The following PCDHAC1 variants were observed in gnomAD, a reference collection of about 807,000 sequenced individuals.
PCDHAC1 encodes the protein protocadherin alpha subfamily C, 1, also known as protocadherin alpha-C1.
In PCDHAC1, 42 loss-of-function variants were observed where a neutral mutation model predicts 60.0. The observed-to-expected ratio is 0.70, with a 90% CI of 0.55 to 0.90. The LOEUF is 0.90. Ranked by LOEUF, PCDHAC1 falls within the 40% of genes least tolerant of loss-of-function variation. The probability of loss-of-function intolerance (pLI) is 0.00; values close to 1 mark genes in which losing one functional copy is unlikely to be tolerated. For missense variants in PCDHAC1, 1,160 were observed against 1,222.3 expected, an observed-to-expected ratio of 0.95 and a Z score of 0.76; for synonymous variants, 468 against 499.3, an observed-to-expected ratio of 0.94 and a Z score of 0.84.
At chr5:140,971,695 A>G (rs563817946) in intron 1 of PCDHAC1, among the ~76,000 whole-genome samples, 26 of 152,062 alleles carry the variant, frequency 1.7e-4, no homozygotes, top group Admixed American at 5.2e-4. Flanking sequence ...GTACTCACTA[A>G]CCACCCTGCT....
At position 140,927,627 on chromosome 5, in the gene PCDHAC1, T is replaced by A. The variant is rs145171269; in HGVS notation, c.735T>A (p.Thr245=). 5 of 1,614,062 alleles carry A rather than the reference T, an allele frequency of 3.1e-6. No homozygotes were observed. The highest frequency in any genetic ancestry group is 3.4e-6 in the Non-Finnish European group (4 of 1,180,014). Residue 245 remains threonine, a synonymous_variant, in exon 1 of 4, where the codon ACT becomes ACA. Coordinates refer to ENST00000253807, the MANE Select transcript of PCDHAC1 (RefSeq NM_018898.5). ...TATACCGCACCAAGGTTCCAGAGAC[T>A]GCACCCAATGGGACTGTGTTATTCC... ...RSVYRTKVPE[T]APNGTVLFRV...
intron 1 of PCDHAC1, among the ~76,000 whole-genome samples, chr5:140,962,590 C>T (rs2095694493): frequency 6.6e-6 from 1 of 152,144 alleles, no homozygotes; most frequent in African/African-American, 2.4e-5. Context: ...AAATATTTGA[C>T]TGATATATTT....
chr5:140,944,182 GTTTGT>G (rs750577669), intron 1 of PCDHAC1, among the ~76,000 whole-genome samples: 4 of 152,050 alleles, frequency 2.6e-5, no homozygotes, highest in African/African-American at 2.4e-5. Context: ...TTTTTTGTTG[GTTTGT>G]TTTGTTTTGT....
chr5:140,957,038 C>T (rs534661886), intron 1 of PCDHAC1, among the ~76,000 whole-genome samples: 1 of 152,048 alleles, frequency 6.6e-6, no homozygotes, highest in South Asian at 2.1e-4. Context: ...TTATGGGAGT[C>T]ATATAAAATA....
intron 3 of PCDHAC1, among the ~76,000 whole-genome samples, chr5:141,007,672 A>G (rs782403242): frequency 6.6e-6 from 1 of 152,194 alleles, no homozygotes; most frequent in African/African-American, 2.4e-5. Context: ...TACAAAGACA[A>G]AAGTTATCCT....
intron 1 of PCDHAC1, among the ~76,000 whole-genome samples, chr5:140,959,188 G>A (rs782018838): frequency 6.6e-6 from 1 of 151,982 alleles, no homozygotes; most frequent in Non-Finnish European, 1.5e-5. Context: ...ACCAGTCTGG[G>A]CAACATGGTG....
chr5:140,929,161 C>T lies in PCDHAC1; in HGVS notation c.2269C>T (p.Arg757Trp). The change falls in exon 1 of 4, where the codon CGG becomes TGG. Residue 757 changes from arginine (R) to tryptophan (W), a missense_variant. Transcript: ENST00000253807. ...GAGACTTTCTCAGACTTATCTCTAT[C>T]GGGCCTCTCTGGGACTTGGTTCTGA... ...VERLSQTYLY[R>W]ASLGLGSDNN... 2 of 1,614,136 alleles carry T rather than the reference C, an allele frequency of 1.2e-6. No homozygotes were observed. The highest frequency in any genetic ancestry group is 1.7e-6 in the Non-Finnish European group (2 of 1,180,028).
intron 1 of PCDHAC1, among the ~76,000 whole-genome samples, chr5:140,937,163 G>A (rs1169573071): frequency 2.0e-5 from 3 of 150,028 alleles, no homozygotes; most frequent in East Asian, 4.0e-4. Flanking sequence ...TCAGCCTCCC[G>A]AGTAGCTGGG....
chr5:140,967,415 C>T, intron 1 of PCDHAC1: 1 of 1,613,142 alleles, frequency 6.2e-7, no homozygotes, highest in African/African-American at 1.3e-5. Flanking sequence ...GGGCCTAGAC[C>T]GGGAGCAGGC....
rs1388239431 is a variant in PCDHAC1, at chr5:140,926,842, G to A, written c.-51G>A. 6.6e-7 allele frequency: 1 copy of A among 1,514,684 alleles called. No homozygotes were observed. The highest frequency in any genetic ancestry group is 8.8e-7 in the Non-Finnish European group (1 of 1,132,562). The allele number at this position is 1,514,684 out of a possible 1,614,324, so 93.8% of individuals were successfully genotyped here. On this transcript the variant is annotated 5_prime_UTR_variant, in exon 1 of 4. Coordinates refer to ENST00000253807, the MANE Select transcript of PCDHAC1 (RefSeq NM_018898.5). ...CTCCAGGAGTCCGGAGCATGGTCCTGGGTCACCGTTGGTGTAGCGTGTTGG... is the reference window on the plus strand; with the variant it reads ...CTCCAGGAGTCCGGAGCATGGTCCTAGGTCACCGTTGGTGTAGCGTGTTGG...
chr5:140,985,930 G>A (rs577670490), intron 3 of PCDHAC1, among the ~76,000 whole-genome samples: 1 of 151,914 alleles, frequency 6.6e-6, no homozygotes, highest in East Asian at 1.9e-4. Flanking sequence ...TAGTAGAGCC[G>A]GGGTTTCACT....
At chr5:140,997,116 C>A (rs1554255739) in intron 3 of PCDHAC1, among the ~76,000 whole-genome samples, 1 of 152,054 alleles carries the variant, frequency 6.6e-6, no homozygotes, top group Non-Finnish European at 1.5e-5. Context: ...CCTGCTCTCC[C>A]ACATACACAA....
chr5:140,939,028 C>T (rs1231920381), intron 1 of PCDHAC1, among the ~76,000 whole-genome samples: 6 of 152,098 alleles, frequency 3.9e-5, no homozygotes, highest in East Asian at 1.9e-4. Context: ...TTTACTTATT[C>T]GGAAGAGTTG....
intron 1 of PCDHAC1, among the ~76,000 whole-genome samples, chr5:140,942,516 G>C (rs1172442572): frequency 2.0e-5 from 3 of 152,004 alleles, no homozygotes; most frequent in African/African-American, 7.3e-5. Flanking sequence ...AAACTCAGAG[G>C]GGAAGCAACT....
At chr5:140,948,897 T>C (rs1487067374) in intron 1 of PCDHAC1, among the ~76,000 whole-genome samples, 1 of 151,680 alleles carries the variant, frequency 6.6e-6, no homozygotes. Context: ...AGATTTTAAG[T>C]GGATTCTTAG....
chr5:140,979,147 C>A (rs2096836802), intron 2 of PCDHAC1, 140 bp downstream of exon 2: 2 of 1,442,248 alleles, frequency 1.4e-6, no homozygotes, highest in African/African-American at 2.9e-5. Flanking sequence ...ATTATTTTGT[C>A]CCCATGTTTA....
At chr5:140,935,310 C>T (rs569890065) in intron 1 of PCDHAC1, among the ~76,000 whole-genome samples, 2 of 152,200 alleles carry the variant, frequency 1.3e-5, no homozygotes, top group Non-Finnish European at 2.9e-5. Flanking sequence ...TACTTAACTT[C>T]ATCAATCTTA....
chr5:140,942,926 GAA>G (rs1554215307), intron 1 of PCDHAC1, among the ~76,000 whole-genome samples: 2 of 151,984 alleles, frequency 1.3e-5, no homozygotes, highest in East Asian at 3.9e-4. Flanking sequence ...AAAAAAAATT[GAA>G]AAAGAGTTTA....
intron 1 of PCDHAC1, among the ~76,000 whole-genome samples, chr5:140,964,992 A>G (rs1459979924): frequency 6.6e-6 from 1 of 152,098 alleles, no homozygotes; most frequent in Non-Finnish European, 1.5e-5. Flanking sequence ...CAGGCCTTTG[A>G]ATTCTGGGTG....
Sources: gnomAD v4.1 joint callset for allele counts (sites outside exome capture counted in the v4.1 genomes callset) on GRCh38, gnomAD v4.1.1 for gene constraint, MANE v1.5 for transcripts, NCBI Gene and HGNC (gene_info 2026-07-23, HGNC 2026-07-21) for gene names.